Variants in ZNF385A observed in about 807,000 individuals in gnomAD.
ZNF385A encodes zinc finger protein 385A.
A neutral mutation model predicts 32.1 loss-of-function variants in ZNF385A; 14 were observed. That is an observed-to-expected ratio of 0.44 (90% CI 0.29 to 0.68). ZNF385A has a LOEUF of 0.68. ZNF385A is among the 30% of genes least tolerant of loss of function. The pLI, the probability that ZNF385A is intolerant of heterozygous loss-of-function variation, is 0.14. For missense variants in ZNF385A, 406 were observed against 478.4 expected (o/e 0.85, Z 1.41); for synonymous variants, 197 against 202.7 (o/e 0.97, Z 0.24).
chr12:54,386,044 C>T (rs1955465359), upstream of ZNF385A, among the ~76,000 whole-genome samples: 1 of 151,996 alleles, frequency 6.6e-6, no homozygotes, highest in Admixed American at 6.6e-5. Flanking sequence ...GGAGTTTGGG[C>T]TTCAGAATTC....
In ZNF385A at chr12:54,371,641, T is replaced by C; in HGVS notation, c.436A>G (p.Ile146Val). The C allele has an allele frequency of 6.2e-7, 1 of 1,611,092 alleles. No homozygotes were observed. The highest frequency in any genetic ancestry group is 8.5e-7 in the Non-Finnish European group (1 of 1,179,024). The change falls in exon 4 of 7, where the codon ATT (isoleucine) becomes GTT (valine). Residue 146 changes from isoleucine (I) to valine (V), a missense_variant. Physicochemically the swap from Ile to Val is conservative, Grantham distance 29. Coordinates refer to ENST00000394313, the MANE Select transcript of ZNF385A (RefSeq NM_015481.3). ...KQPGSPSPPSIPETGQGVTKG... is the reference protein window; with the variant it reads ...KQPGSPSPPSVPETGQGVTKG... Reference sequence around the variant, plus strand: ...GTTACACCCTGACCAGTCTCCGGAATGCTGGGAGGGGATGGGGAGCCAGGC... The same window carrying C: ...GTTACACCCTGACCAGTCTCCGGAACGCTGGGAGGGGATGGGGAGCCAGGC...
intron 4 of ZNF385A, 87 bp from the exon 5 acceptor site, chr12:54,371,183 A>C: frequency 2.1e-6 from 3 of 1,418,740 alleles, no homozygotes; most frequent in Non-Finnish European, 1.9e-6. Flanking sequence ...CCCAGGTACA[A>C]TATGAGGGGG....
chr12:54,375,179 C>T (rs980266400), intron 2 of ZNF385A, among the ~76,000 whole-genome samples: 1 of 152,038 alleles, frequency 6.6e-6, no homozygotes, highest in Non-Finnish European at 1.5e-5. Flanking sequence ...GCTCTCAGGG[C>T]CTGCACCCCA....
At chr12:54,371,423 G>A in intron 4 of ZNF385A, 50 bp downstream of exon 4, 2 of 1,581,152 alleles carry the variant, frequency 1.3e-6, no homozygotes, top group Non-Finnish European at 1.7e-6. Flanking sequence ...TGTAGAGGCA[G>A]GGGTGGCCTG....
Position 54,370,708 on chromosome 12 carries a change from C to G in ZNF385A, c.788G>C (p.Arg263Pro). 6.3e-7 allele frequency: 1 copy of G among 1,595,132 alleles called. No individual in the cohort carries two copies. Among genetic ancestry groups the G allele is most frequent in the Non-Finnish European group, 8.5e-7 (1 of 1,173,548 alleles). ...CCCGGCCACGCCGTCTCGGTGCCGCCGGCTGGAGATGTGCTGCGGGGGCCA... is the reference window on the plus strand; with the variant it reads ...CCCGGCCACGCCGTCTCGGTGCCGCGGGCTGGAGATGTGCTGCGGGGGCCA... ...EVQLKQHISS[R>P]RHRDGVAGKP... Residue 263 changes from arginine to proline, a missense_variant, in exon 6 of 7, where the codon CGG becomes CCG. Transcript: ENST00000394313. The surrounding 1 kb of genome is among the most constrained non-coding windows in gnomAD (Gnocchi z 5.5).
upstream of ZNF385A, among the ~76,000 whole-genome samples, chr12:54,388,504 C>A (rs1286825221): frequency 6.6e-6 from 1 of 152,182 alleles, no homozygotes; most frequent in African/African-American, 2.4e-5. Context: ...TAGGGAGTGG[C>A]TGCATCTGAG....
At chr12:54,385,736 G>C (rs924221061), upstream of ZNF385A, 3 of 909,592 alleles carry the variant, frequency 3.3e-6, no homozygotes, top group African/African-American at 5.4e-5. Context: ...AGGGGCCTGG[G>C]CCTGACAGCG....
At chr12:54,374,208 C>G (rs2137192292) in intron 2 of ZNF385A, 73 bp from the exon 3 acceptor site, 1 of 1,388,920 alleles carries the variant, frequency 7.2e-7, no homozygotes, top group South Asian at 1.8e-5. Flanking sequence ...AGAGCTCCCT[C>G]AAGTCCTGGG....
Position 54,370,787 on chromosome 12 carries a change from CA to C in ZNF385A, c.775-67del. On this transcript the variant is annotated intron_variant, in intron 5 of 6. Transcript: ENST00000394313. The surrounding 1 kb of genome is among the most constrained non-coding windows in gnomAD (Gnocchi z 5.5). The stretch of plus-strand genomic sequence containing the variant: ...AGGGGCAACAGCGAGGGAGTATAAT[CA>C]AGCTCCAAGCACCGGCCCCCTCCCA... 6.3e-7 allele frequency: 1 copy of C among 1,585,796 alleles called. No individual in the cohort carries two copies. Among genetic ancestry groups the C allele is most frequent in the Non-Finnish European group, 8.6e-7 (1 of 1,167,734 alleles).
chr12:54,389,748 G>A (rs953377703), intron 1 of ZNF385A, among the ~76,000 whole-genome samples: 1 of 152,120 alleles, frequency 6.6e-6, no homozygotes, highest in African/African-American at 2.4e-5. Context: ...GTGCTCTGGG[G>A]GACTGAGTGC....
chr12:54,386,951 A>T (rs1277872552), upstream of ZNF385A, among the ~76,000 whole-genome samples: 1 of 152,198 alleles, frequency 6.6e-6, no homozygotes, highest in Admixed American at 6.5e-5. Context: ...GGAAATGGAG[A>T]CTCAGAGTAG....
rs758049286 is a variant in ZNF385A at position 54,379,273 on chromosome 12, GGGGACAGGGACA to G, written c.88-3331_88-3320del. 4 of 854,620 alleles carry G rather than the reference GGGGACAGGGACA, an allele frequency of 4.7e-6. No individual in the cohort carries two copies. The African/African-American group carries it at 5.5e-5, about 12-fold the overall frequency. 52.9% of individuals were successfully genotyped at this position (854,620 alleles called of 1,614,324 possible). A position where few individuals can be genotyped will look rare whatever the true frequency, so the allele number is the denominator to read the frequency against. On this transcript the variant is annotated intron_variant, in intron 1 of 6. Coordinates refer to ENST00000394313, the MANE Select transcript of ZNF385A (RefSeq NM_015481.3). ...CGGAGGCGGGGCCGAGGACGGGGGCGGGGACAGGGACAGGGACAGGGACAGGGAGCTGAAGAG... is the reference window on the plus strand; with the variant it reads ...CGGAGGCGGGGCCGAGGACGGGGGCGGGGACAGGGACAGGGAGCTGAAGAG...
At chr12:54,372,823 G>A in intron 3 of ZNF385A, 1 of 167,538 alleles carries the variant, frequency 6.0e-6, no homozygotes, top group South Asian at 9.8e-5. Flanking sequence ...CAGATCACTT[G>A]AGGTCAGGAG....
At chr12:54,381,654 C>T (rs1044612352) in intron 1 of ZNF385A, among the ~76,000 whole-genome samples, 1 of 152,222 alleles carries the variant, frequency 6.6e-6, no homozygotes, top group Admixed American at 6.5e-5. Context: ...TCCAATCTTG[C>T]ACTTTCTCAA....
chr12:54,370,397 C>G lies in ZNF385A; in HGVS notation c.960G>C (p.Ala320=), dbSNP rs886203284. ...GCAGGGACAGCGGCGAGCCTGCTGC[C>G]GCTGCCATCACTGCAGCCACCGCCA... is the stretch of plus-strand genomic sequence containing the variant. ...SPLAVAAVMA[A]AAGSPLSLRP... is the part of the protein sequence containing the mutation. The change falls in exon 7 of 7, where the codon GCG becomes GCC. Residue 320 remains alanine, a synonymous_variant. Coordinates refer to ENST00000394313, the MANE Select transcript of ZNF385A (RefSeq NM_015481.3). The surrounding 1 kb of genome is among the most constrained non-coding windows in gnomAD (Gnocchi z 5.5). The G allele has an allele frequency of 1.3e-6, 2 of 1,533,308 alleles. No individual in the cohort carries two copies. The highest frequency in any genetic ancestry group is 1.7e-4 in the Middle Eastern group (1 of 5,810). 95.0% of individuals were successfully genotyped at this position (1,533,308 alleles called of 1,614,324 possible).
chr12:54,380,661 A>G (rs2137255517), intron 1 of ZNF385A, among the ~76,000 whole-genome samples: 1 of 152,184 alleles, frequency 6.6e-6, no homozygotes, highest in East Asian at 1.9e-4. Context: ...TCCTGTTCCC[A>G]CTGCCTAATT....
At chr12:54,385,542 C>T (rs1366703364), upstream of ZNF385A, 4 of 718,646 alleles carry the variant, frequency 5.6e-6, no homozygotes, top group Non-Finnish European at 6.8e-6. Context: ...CCCCTGACAG[C>T]AACAGGGGTT....
upstream of ZNF385A, chr12:54,385,825 A>C (rs941648018): frequency 5.0e-6 from 1 of 198,646 alleles, no homozygotes; most frequent in Non-Finnish European, 9.1e-6. Flanking sequence ...GAATCAGCCA[A>C]TCAGAATCCT....
intron 1 of ZNF385A, 137 bp from the exon 2 acceptor site, chr12:54,376,091 A>T (rs1565619211): frequency 1.2e-5 from 8 of 664,194 alleles, no homozygotes; most frequent in Non-Finnish European, 1.1e-5. Flanking sequence ...TCTGAGCCTC[A>T]GTCTTCTGAT....
Sources: allele counts gnomAD v4.1 joint callset (sites outside exome capture counted in the v4.1 genomes callset), GRCh38; gene constraint gnomAD v4.1.1; non-coding constraint Gnocchi (gnomAD v3.1); transcripts MANE v1.5; gene names NCBI Gene and HGNC (gene_info 2026-07-23, HGNC 2026-07-21).